Variants in ANKRD18A observed in about 807,000 individuals in gnomAD.
The protein encoded by ANKRD18A is ankyrin repeat domain 18A.
A neutral mutation model predicts 110.6 loss-of-function variants in ANKRD18A; 72 were observed. The observed-to-expected ratio is 0.65, with a 90% CI of 0.54 to 0.79. ANKRD18A has a LOEUF of 0.79. Among genes scored for constraint, ANKRD18A ranks in the 30% least tolerant of loss-of-function variants. The pLI is 0.00. For missense variants in ANKRD18A, 934 were observed against 1,163.3 expected, an observed-to-expected ratio of 0.80 and a Z score of 2.87; for synonymous variants, 305 against 410.3, an observed-to-expected ratio of 0.74 and a Z score of 3.10.
downstream of ANKRD18A, chr9:38,569,570 G>A: frequency 4.5e-6 from 2 of 439,842 alleles, no homozygotes; most frequent in Non-Finnish European, 6.0e-6. Context: ...ACCACAACAG[G>A]AGCCTGCTTG....
intron 10 of ANKRD18A, among the ~76,000 whole-genome samples, chr9:38,591,415 G>T (rs58404273): frequency 0.012 from 1,820 of 152,282 alleles, 34 homozygotes; most frequent in African/African-American, 0.041. Flanking sequence ...GAAATGGAGA[G>T]AATAATACCA....
At chr9:38,576,526 G>C (rs1253321390) in intron 14 of ANKRD18A, among the ~76,000 whole-genome samples, 1 of 152,126 alleles carries the variant, frequency 6.6e-6, no homozygotes, top group Non-Finnish European at 1.5e-5. Flanking sequence ...ATGACTTTAT[G>C]TAACACCTTG....
At chr9:38,606,866 A>G (rs187184621) in intron 6 of ANKRD18A, among the ~76,000 whole-genome samples, 2 of 152,142 alleles carry the variant, frequency 1.3e-5, no homozygotes, top group African/African-American at 4.8e-5. Context: ...TAATACAAAA[A>G]TATGTAGAAT....
At chr9:38,588,266 G>A (rs1254869807) in intron 11 of ANKRD18A, among the ~76,000 whole-genome samples, 1 of 151,940 alleles carries the variant, frequency 6.6e-6, no homozygotes, top group Non-Finnish European at 1.5e-5. Flanking sequence ...TGGACTCTAT[G>A]ACACATGGTC....
chr9:38,575,509 CTG>C lies in ANKRD18A; in HGVS notation c.2929_2930del (p.Gln977AspfsTer4). 1 of 1,551,534 alleles carries C rather than the reference CTG, an allele frequency of 6.4e-7. No homozygotes were observed. Among genetic ancestry groups the C allele is most frequent in the Non-Finnish European group, 8.7e-7 (1 of 1,146,810 alleles). On this transcript the variant is annotated frameshift_variant, in exon 15 of 16. Transcript: ENST00000399703. LOFTEE classifies it high-confidence loss of function. ...TAIRIPTSNP[Q>X]TSNNCKNFLT... is the part of the protein sequence containing the mutation. The stretch of plus-strand genomic sequence containing the variant: ...AGAAGTTCTTGCAGTTATTTGAAGT[CTG>C]TGGGTTTGAAGTAGGAATTCTTATG...
At chr9:38,577,742 C>T in intron 13 of ANKRD18A, 125 bp downstream of exon 13, 1 of 1,117,502 alleles carries the variant, frequency 8.9e-7, no homozygotes, top group Non-Finnish European at 1.2e-6. Context: ...TTTTCTAGAA[C>T]TCTACGAAGG....
At chr9:38,586,621 A>G (rs1403574047) in intron 11 of ANKRD18A, among the ~76,000 whole-genome samples, 1 of 151,782 alleles carries the variant, frequency 6.6e-6, no homozygotes, top group African/African-American at 2.4e-5. Context: ...CTGAAGTGTG[A>G]TGGCGTGATC....
downstream of ANKRD18A, chr9:38,568,951 C>T (rs569670572): frequency 6.1e-6 from 6 of 985,420 alleles, no homozygotes; most frequent in African/African-American, 1.7e-5. Context: ...TCGGATGCCA[C>T]GTTCACCCTT....
chr9:38,590,460 C>T (rs1824597814), intron 10 of ANKRD18A, among the ~76,000 whole-genome samples: 1 of 152,084 alleles, frequency 6.6e-6, no homozygotes, highest in African/African-American at 2.4e-5. Flanking sequence ...CCATGTTGGC[C>T]AGGCTCTTCT....
In ANKRD18A at chr9:38,581,114, G is replaced by A. The variant is rs374184559; in HGVS notation, c.2248-2966C>T. 7.9e-5 allele frequency among the ~76,000 whole-genome samples: 12 copies of A among 152,230 alleles called. No homozygotes were observed. In the East Asian group the frequency reaches 1.2e-3, roughly 15 times the overall value. Reference sequence around the variant, plus strand: ...CCACAGGTTCATGAACAAAATAAATGTTTTTCTTTTAAGCCACAAAACTCT... The same window carrying A: ...CCACAGGTTCATGAACAAAATAAATATTTTTCTTTTAAGCCACAAAACTCT... On this transcript the variant is annotated intron_variant, in intron 12 of 15. Transcript: ENST00000399703.
chr9:38,573,730 A>G (rs1291082511), intron 15 of ANKRD18A, among the ~76,000 whole-genome samples: 1 of 152,186 alleles, frequency 6.6e-6, no homozygotes, highest in Non-Finnish European at 1.5e-5. Context: ...AAGAAAAAAA[A>G]AAGGTTAAAC....
chr9:38,584,804 C>A (rs548825397), intron 12 of ANKRD18A, among the ~76,000 whole-genome samples: 2 of 152,000 alleles, frequency 1.3e-5, no homozygotes, highest in African/African-American at 4.8e-5. Flanking sequence ...AGGAGCAAGA[C>A]CTTGTATTCT....
downstream of ANKRD18A, among the ~76,000 whole-genome samples, chr9:38,570,016 A>C (rs1050338070): frequency 1.3e-5 from 2 of 152,178 alleles, no homozygotes; most frequent in African/African-American, 4.8e-5. Flanking sequence ...AGATGGAGGC[A>C]AAGAGGCTCC....
intron 12 of ANKRD18A, among the ~76,000 whole-genome samples, chr9:38,580,569 TA>T (rs1824116690): frequency 6.6e-6 from 1 of 152,018 alleles, no homozygotes; most frequent in Non-Finnish European, 1.5e-5. Flanking sequence ...TGAATATTTT[TA>T]AAAAGCTAGA....
intron 15 of ANKRD18A, 148 bp downstream of exon 15, chr9:38,575,328 A>G (rs993328388): frequency 2.3e-6 from 2 of 851,114 alleles, no homozygotes; most frequent in African/African-American, 3.5e-5. Context: ...AAAAATGTAA[A>G]GTTTCCATTT....
Position 38,596,390 on chromosome 9 carries a change from T to C in ANKRD18A, c.950A>G (p.Tyr317Cys), listed in dbSNP as rs745404923. 1.4e-6 allele frequency: 2 copies of C among 1,448,332 alleles called. No homozygotes were observed. The highest frequency in any genetic ancestry group is 2.9e-5 in the African/African-American group (2 of 69,394). The allele number at this position is 1,448,332 out of a possible 1,614,324, so 89.7% of individuals were successfully genotyped here. ...ENKQPQDSQS[Y>C]GKKKDAMYGN... ...ATACATCGCATCCTTCTTTTTTCCG[T>C]AACTTTGAGAATCCTAAATAAAACA... is the stretch of plus-strand genomic sequence containing the variant. Residue 317 changes from tyrosine (Y) to cysteine (C), a missense_variant, in exon 9 of 16, where the codon TAC becomes TGC. Around this residue, in one of 4 missense-constraint regions of ANKRD18A, gnomAD observed 630 missense variants for 797.5 expected, o/e 0.79. Transcript: ENST00000399703.
chr9:38,618,789 G>A (rs1587553089), intron 1 of ANKRD18A, among the ~76,000 whole-genome samples: 1 of 151,796 alleles, frequency 6.6e-6, no homozygotes, highest in Non-Finnish European at 1.5e-5. Flanking sequence ...CTCACTTCTA[G>A]AGTTCTTTTC....
At position 38,596,399 on chromosome 9, in the gene ANKRD18A, G is replaced by T. The variant is rs1275270367; in HGVS notation, c.941C>A (p.Ser314Tyr). ...ATCCTTCTTTTTTCCGTAACTTTGAGAATCCTAAATAAAACAAAACAAATT... is the reference window on the plus strand; with the variant it reads ...ATCCTTCTTTTTTCCGTAACTTTGATAATCCTAAATAAAACAAAACAAATT... ...QRSENKQPQD[S>Y]QSYGKKKDAM... The change falls in exon 9 of 16, where the codon TCT (serine) becomes TAT (tyrosine). Residue 314 changes from serine (S) to tyrosine (Y), a missense_variant. By Grantham distance (144) the Ser-to-Tyr change is moderately radical. Transcript: ENST00000399703. The T allele has an allele frequency of 2.1e-6, 3 of 1,442,222 alleles. No homozygotes were observed. The East Asian group carries it at 7.6e-5, about 37-fold the overall frequency. The allele number at this position is 1,442,222 out of a possible 1,614,324, so 89.3% of individuals were successfully genotyped here. A position where few individuals can be genotyped will look rare whatever the true frequency, so the allele number is the denominator to read the frequency against.
At chr9:38,616,197 C>T (rs1183800484) in intron 1 of ANKRD18A, among the ~76,000 whole-genome samples, 153 bp from the exon 2 acceptor site, 1 of 152,234 alleles carries the variant, frequency 6.6e-6, no homozygotes, top group East Asian at 1.9e-4. Flanking sequence ...TTAGCTCTTA[C>T]TGCTCCCTAC....
Sources: allele counts gnomAD v4.1 joint callset (sites outside exome capture counted in the v4.1 genomes callset), GRCh38; gene constraint gnomAD v4.1.1; regional missense constraint gnomAD v4.1.1; transcripts MANE v1.5; gene names NCBI Gene and HGNC (gene_info 2026-07-23, HGNC 2026-07-21).